Variants in XRCC1 observed in about 807,000 individuals in gnomAD.
XRCC1 encodes DNA repair protein XRCC1.
In XRCC1, 52 loss-of-function variants were observed where a neutral mutation model predicts 83.3. The observed-to-expected ratio is 0.62, with a 90% confidence interval of 0.50 to 0.79. The LOEUF is 0.79. Among genes scored for constraint, XRCC1 ranks in the 30% least tolerant of loss-of-function variants. XRCC1 has a pLI of 0.00. For synonymous variants in XRCC1, 281 were observed against 312.6 expected, an observed-to-expected ratio of 0.90 and a Z score of 1.07; for missense variants, 793 against 823.5, an observed-to-expected ratio of 0.96 and a Z score of 0.45.
chr19:43,571,831 A>G (rs1205236953), intron 2 of XRCC1, among the ~76,000 whole-genome samples: 1 of 152,232 alleles, frequency 6.6e-6, no homozygotes, highest in East Asian at 1.9e-4. Context: ...TGCTGTATTA[A>G]AACAGTGCTT....
intron 10 of XRCC1, among the ~76,000 whole-genome samples, chr19:43,547,995 G>C (rs914291143): frequency 7.6e-6 from 1 of 132,142 alleles, no homozygotes; most frequent in African/African-American, 2.9e-5. Context: ...TCCAGGAAAA[G>C]GATTTTCCTA....
chr19:43,548,779 A>AAAAAC (rs1972546369), intron 10 of XRCC1, among the ~76,000 whole-genome samples: 2 of 141,638 alleles, frequency 1.4e-5, no homozygotes, highest in Non-Finnish European at 3.1e-5. Flanking sequence ...AAAAAAAAAA[A>AAAAAC]AAAAAAACAC....
intron 2 of XRCC1, among the ~76,000 whole-genome samples, chr19:43,567,413 G>T (rs1972764672): frequency 6.6e-6 from 1 of 152,098 alleles, no homozygotes. Context: ...TCCAGTTCAA[G>T]TGATTCTCTT....
At chr19:43,573,497 T>C (rs1159330226) in intron 2 of XRCC1, among the ~76,000 whole-genome samples, 3 of 152,186 alleles carry the variant, frequency 2.0e-5, no homozygotes, top group Non-Finnish European at 2.9e-5. Flanking sequence ...GGATATTTGC[T>C]GAATGACTGC....
At chr19:43,569,655 G>GCCTGTAAT (rs1158568925) in intron 2 of XRCC1, among the ~76,000 whole-genome samples, 1 of 152,020 alleles carries the variant, frequency 6.6e-6, no homozygotes, top group Non-Finnish European at 1.5e-5. Flanking sequence ...GGTGGTGCAT[G>GCCTGTAAT]CCTGTAATCC....
Position 43,553,101 on chromosome 19 carries a change from G to C in XRCC1, c.602-10C>G, listed in dbSNP as rs3213360. 1.3e-4 allele frequency: 204 copies of C among 1,558,596 alleles called. No homozygotes were observed. The East Asian group carries it at 4.1e-3, about 31-fold the overall frequency. On this transcript the variant is annotated splice_polypyrimidine_tract_variant and intron_variant, in intron 6 of 16. Transcript: ENST00000262887. ...GGGTCGCTGGCTGTGACTATGAAGG[G>C]AGAAAGTGGATCCAGGATGAGAGGG... is the stretch of plus-strand genomic sequence containing the variant.
chr19:43,569,871 A>T (rs888669767), intron 2 of XRCC1, among the ~76,000 whole-genome samples: 1 of 151,982 alleles, frequency 6.6e-6, no homozygotes, highest in Non-Finnish European at 1.5e-5. Flanking sequence ...GCCAGATAAG[A>T]AAAGTTTATA....
Position 43,545,870 on chromosome 19 carries a change from C to T in XRCC1, c.1569G>A (p.Thr523=). Residue 523 remains threonine (T), a synonymous_variant, in exon 14 of 17, where the codon ACG becomes ACA. Transcript: ENST00000262887. The part of the protein sequence containing the change: ...DPYAGSTDEN[T]DSEEHQEPPD... ...GAGGCTCCTGGTGTTCCTCACTGTC[C>T]GTGTTCTCATCCGTGGAGCCTGCAT... 1.9e-6 allele frequency: 3 copies of T among 1,613,180 alleles called. No homozygotes were observed. The highest frequency in any genetic ancestry group is 2.5e-6 in the Non-Finnish European group (3 of 1,179,232).
chr19:43,544,441 A>G (rs901772570), intron 14 of XRCC1, among the ~76,000 whole-genome samples: 1 of 151,802 alleles, frequency 6.6e-6, no homozygotes, highest in Non-Finnish European at 1.5e-5. Context: ...CTTTAATGGT[A>G]GAAGATACAA....
At position 43,559,299 on chromosome 19, in the gene XRCC1, C is replaced by T. The variant is rs1207856210; in HGVS notation, c.255+1611G>A. Among the ~76,000 whole-genome samples, 5 of 151,424 alleles carry T rather than the reference C, an allele frequency of 3.3e-5. No homozygotes were observed. The East Asian group carries it at 5.9e-4, about 18-fold the overall frequency. ...GAGATCGAGACCATCCTGGCTAACA[C>T]AGTGAAACCCTGTCTCTACTAAAAA... On this transcript the variant is annotated intron_variant, in intron 3 of 16. Coordinates refer to ENST00000262887, the MANE Select transcript of XRCC1 (RefSeq NM_006297.3).
intron 10 of XRCC1, among the ~76,000 whole-genome samples, chr19:43,548,766 C>CAAAAAAAAA (rs60740505): frequency 0.011 from 731 of 64,374 alleles, 53 homozygotes; most frequent in Non-Finnish European, 0.015. Flanking sequence ...CAAGAATGAT[C>CAAAAAAAAA]AAAAAAAAAA....
At chr19:43,551,872 GGC>G in intron 9 of XRCC1, 143 bp downstream of exon 9, 1 of 1,100,436 alleles carries the variant, frequency 9.1e-7, no homozygotes, top group Non-Finnish European at 1.3e-6. Flanking sequence ...AGAAGACAAA[GGC>G]TACAGAATGC....
At chr19:43,554,616 A>T (rs1272822567) in intron 4 of XRCC1, 30 bp downstream of exon 4, 5 of 1,593,502 alleles carry the variant, frequency 3.1e-6, no homozygotes, top group Non-Finnish European at 2.6e-6. Flanking sequence ...AGGACCAAGG[A>T]CTCTGCACCC....
intron 2 of XRCC1, among the ~76,000 whole-genome samples, chr19:43,573,301 A>G (rs1053598372): frequency 6.6e-6 from 1 of 152,124 alleles, no homozygotes; most frequent in Non-Finnish European, 1.5e-5. Context: ...GAGATTCCAC[A>G]GTTTTCTGGG....
intron 1 of XRCC1, 35 bp from the exon 2 acceptor site, chr19:43,575,037 C>G: frequency 6.5e-7 from 1 of 1,542,764 alleles, no homozygotes; most frequent in Non-Finnish European, 9.0e-7. Flanking sequence ...AATTAGGGCA[C>G]AGAGATGACA....
Position 43,554,336 on chromosome 19 carries a change from C to T in XRCC1, c.414+310G>A, listed in dbSNP as rs112881789. Among the ~76,000 whole-genome samples the T allele has an allele frequency of 8.5e-3, 1,300 of 152,300 alleles. 20 individuals are homozygous for T. Among genetic ancestry groups the T allele is most frequent in the African/African-American group, 0.028 (1,182 of 41,540 alleles). ...CCAGGACGTGAACTCAGTAATCAGACGCCAGATCTCCTGATGTTAACTACT... is the reference window on the plus strand; with the variant it reads ...CCAGGACGTGAACTCAGTAATCAGATGCCAGATCTCCTGATGTTAACTACT... On this transcript the variant is annotated intron_variant, in intron 4 of 16. Transcript: ENST00000262887.
intron 3 of XRCC1, chr19:43,555,452 A>G (rs1972626653): frequency 6.6e-6 from 1 of 152,202 alleles, no homozygotes; most frequent in Non-Finnish European, 1.5e-5. Context: ...CATCACCCCC[A>G]GTTAAGCTTC....
rs1335948760 is a variant in XRCC1, at chr19:43,543,516, G to A, written c.1789-11C>T. The stretch of plus-strand genomic sequence containing the variant: ...GTTGTCCATCAGGGCCTGCAGGGTG[G>A]GGTGGAGTCCATACGGGAATGTGTC... On this transcript the variant is annotated splice_polypyrimidine_tract_variant and intron_variant, in intron 16 of 16. Transcript: ENST00000262887. 2.5e-6 allele frequency: 4 copies of A among 1,613,738 alleles called. No individual in the cohort carries two copies. Among genetic ancestry groups the A allele is most frequent in the Non-Finnish European group, 3.4e-6 (4 of 1,179,806 alleles).
chr19:43,565,037 C>A (rs1018689062), intron 2 of XRCC1, among the ~76,000 whole-genome samples: 2 of 152,158 alleles, frequency 1.3e-5, no homozygotes, highest in African/African-American at 4.8e-5. Flanking sequence ...GCTCTGCTTG[C>A]ATCTTCACAG....
Sources: gnomAD v4.1 joint callset for allele counts (sites outside exome capture counted in the v4.1 genomes callset) on GRCh38, gnomAD v4.1.1 for gene constraint, MANE v1.5 for transcripts, NCBI Gene and HGNC (gene_info 2026-07-23, HGNC 2026-07-21) for gene names.